AKAP19: variants seen among roughly 807,000 people sequenced by gnomAD.
The protein encoded by AKAP19 is A-kinase anchoring protein 19.
chr2:189,953,265 A>G, the AKAP19 span, among the ~76,000 whole-genome samples: 98 of 152,298 alleles, frequency 6.4e-4, no homozygotes, highest in Non-Finnish European at 1.1e-3. Flanking sequence ...TGCTCAAATA[A>G]TGATAATAAT....
the AKAP19 span, among the ~76,000 whole-genome samples, chr2:190,113,570 A>G: frequency 6.6e-6 from 1 of 152,194 alleles, no homozygotes; most frequent in African/African-American, 2.4e-5. Flanking sequence ...ACCTGCAAGA[A>G]CCTCTCACCC....
chr2:190,114,270 A>G, the AKAP19 span, among the ~76,000 whole-genome samples: 2 of 152,222 alleles, frequency 1.3e-5, no homozygotes, highest in African/African-American at 4.8e-5. Context: ...ACAATAAGAA[A>G]GTCTAATTCT....
chr2:190,121,934 GC>G, the AKAP19 span, among the ~76,000 whole-genome samples: 1 of 152,064 alleles, frequency 6.6e-6, no homozygotes, highest in African/African-American at 2.4e-5. Flanking sequence ...GATGTGTTTT[GC>G]TGATGAATGA....
At chr2:190,011,056 T>C in the AKAP19 span, among the ~76,000 whole-genome samples, 7 of 142,614 alleles carry the variant, frequency 4.9e-5, no homozygotes, top group African/African-American at 1.6e-4. Flanking sequence ...CTCTCTTTTT[T>C]TTTTTTTTTT....
chr2:190,067,160 T>A, the AKAP19 span, among the ~76,000 whole-genome samples: 1 of 152,218 alleles, frequency 6.6e-6, no homozygotes, highest in Non-Finnish European at 1.5e-5. Flanking sequence ...GCAGGCATAT[T>A]CAAGCATGCA....
chr2:190,044,168 GC>G, the AKAP19 span, among the ~76,000 whole-genome samples: 1 of 152,094 alleles, frequency 6.6e-6, no homozygotes, highest in Admixed American at 6.6e-5. Flanking sequence ...CTCCTGAGCT[GC>G]CCACTGTAGT....
chr2:190,063,728 A>G, the AKAP19 span, among the ~76,000 whole-genome samples: 2 of 152,106 alleles, frequency 1.3e-5, no homozygotes, highest in Non-Finnish European at 2.9e-5. Flanking sequence ...CCCTTTGCCA[A>G]TTTCTCATTT....
chr2:189,999,769 C>T, the AKAP19 span, among the ~76,000 whole-genome samples: 25 of 152,140 alleles, frequency 1.6e-4, no homozygotes, highest in Non-Finnish European at 2.6e-4. Context: ...TTTGGTACCA[C>T]ATGTTCTCAT....
the AKAP19 span, among the ~76,000 whole-genome samples, chr2:189,977,770 A>G: frequency 2.0e-5 from 3 of 152,216 alleles, no homozygotes; most frequent in Non-Finnish European, 4.4e-5. Flanking sequence ...ATATTAAAAA[A>G]GAGAGTTGAC....
At chr2:189,943,958 T>A in the AKAP19 span, among the ~76,000 whole-genome samples, 8 of 152,236 alleles carry the variant, frequency 5.3e-5, no homozygotes, top group Non-Finnish European at 1.0e-4. Context: ...AACTTGTTTT[T>A]AATTTACAGG....
chr2:189,948,365 G>GTT, the AKAP19 span, among the ~76,000 whole-genome samples: 31 of 151,502 alleles, frequency 2.0e-4, no homozygotes, highest in Middle Eastern at 3.4e-3. Context: ...ACATATGCCT[G>GTT]TTTTTTTTGC....
the AKAP19 span, among the ~76,000 whole-genome samples, chr2:190,017,654 G>A: frequency 1.7e-3 from 261 of 151,982 alleles, no homozygotes; most frequent in African/African-American, 5.6e-3. Flanking sequence ...TAGATTTGTC[G>A]TTTAACCATC....
the AKAP19 span, among the ~76,000 whole-genome samples, chr2:190,102,331 T>TA: frequency 2.0e-3 from 296 of 147,856 alleles, 1 homozygote; most frequent in African/African-American, 6.8e-3. Flanking sequence ...GAGGAATAAC[T>TA]AAAAAAAAAG....
the AKAP19 span, among the ~76,000 whole-genome samples, chr2:190,086,646 CTT>C: frequency 2.8e-4 from 43 of 152,178 alleles, no homozygotes; most frequent in Non-Finnish European, 5.0e-4. Flanking sequence ...TGACCTGAAC[CTT>C]CATTCCTGAA....
the AKAP19 span, among the ~76,000 whole-genome samples, chr2:190,063,546 G>T: frequency 7.6e-3 from 1,156 of 152,230 alleles, 17 homozygotes; most frequent in African/African-American, 0.027. Context: ...TGGCATGGCA[G>T]AGATTATTAC....
At chr2:189,879,719 G>A in the AKAP19 span, 1 of 152,252 alleles carries the variant, frequency 6.6e-6, no homozygotes, top group Non-Finnish European at 1.5e-5. Flanking sequence ...CCGGAATTAA[G>A]GGCGAGGCGA....
chr2:190,156,489 TAAA>T, the AKAP19 span, among the ~76,000 whole-genome samples: 1 of 152,118 alleles, frequency 6.6e-6, no homozygotes, highest in Non-Finnish European at 1.5e-5. Flanking sequence ...GAAAAAATTT[TAAA>T]AAGGGAATGA....
At chr2:190,114,517 G>A in the AKAP19 span, among the ~76,000 whole-genome samples, 113 of 152,260 alleles carry the variant, frequency 7.4e-4, no homozygotes, top group African/African-American at 2.6e-3. Context: ...GTCCAGTGGC[G>A]CGATCTCGGC....
the AKAP19 span, among the ~76,000 whole-genome samples, chr2:189,912,125 A>G: frequency 6.6e-6 from 1 of 152,132 alleles, no homozygotes; most frequent in African/African-American, 2.4e-5. Flanking sequence ...AATTACATAT[A>G]ATAAGCCTTA....
Sources: gnomAD v4.1 joint callset for allele counts (sites outside exome capture counted in the v4.1 genomes callset) on GRCh38, gnomAD v4.1.1 for gene constraint, MANE v1.5 for transcripts, NCBI Gene and HGNC (gene_info 2026-07-23, HGNC 2026-07-21) for gene names.